GASK1B: variants seen among roughly 807,000 people sequenced by gnomAD.
GASK1B encodes golgi associated kinase 1B.
Under a neutral mutation model 42.8 loss-of-function variants are expected in GASK1B, and 34 were observed. That is an observed-to-expected ratio of 0.79 (90% CI 0.60 to 1.06). GASK1B has a LOEUF of 1.06. GASK1B is among the 50% of genes least tolerant of loss of function. GASK1B has a pLI of 0.00. For synonymous variants in GASK1B, 262 were observed against 259.1 expected (o/e 1.01, Z -0.11); for missense variants, 686 against 661.0 (o/e 1.04, Z -0.42).
In GASK1B at chr4:158,171,142, C is replaced by G; in HGVS notation, c.234G>C (p.Glu78Asp). 1 of 1,607,990 alleles carries G rather than the reference C, an allele frequency of 6.2e-7. No homozygotes were observed. The change falls in exon 2 of 5, where the codon GAG becomes GAC. Residue 78 changes from glutamate to aspartate, a missense_variant. By Grantham distance (45) the Glu-to-Asp change is conservative. Transcript: ENST00000585682. Reference sequence around the variant, plus strand: ...CCAGGGGTATCTCAGGGAAGGATGGCTCGGCGGTGTCGCGGCTGCGATGTG... The same window carrying G: ...CCAGGGGTATCTCAGGGAAGGATGGGTCGGCGGTGTCGCGGCTGCGATGTG... ...KGPHRSRDTA[E>D]PSFPEIPLDG...
Position 158,124,966 on chromosome 4 carries a change from AATT to A in GASK1B, c.*2438_*2440del, listed in dbSNP as rs1205840202. On this transcript the variant is annotated 3_prime_UTR_variant, in exon 5 of 5. Transcript: ENST00000585682. ...AAGCTTTTGCATGTCTGCTAAGGTA[AATT>A]ATTATATTATAAGTTTGTTATGAAG... 6.6e-6 allele frequency: 1 copy of A among 152,156 alleles called. No homozygotes were observed. Among genetic ancestry groups the A allele is most frequent in the Non-Finnish European group, 1.5e-5 (1 of 68,036 alleles). The allele number at this position is 152,156 out of a possible 1,614,324, so 9.4% of individuals were successfully genotyped here. A position where few individuals can be genotyped will look rare whatever the true frequency, so the allele number is the denominator to read the frequency against.
At chr4:158,165,850 T>G (rs1732210254) in intron 2 of GASK1B, among the ~76,000 whole-genome samples, 1 of 152,162 alleles carries the variant, frequency 6.6e-6, no homozygotes, top group Admixed American at 6.5e-5. Flanking sequence ...GATTCCCCTA[T>G]TTAAAATAAG....
At chr4:158,152,929 G>A (rs553849525) in intron 3 of GASK1B, among the ~76,000 whole-genome samples, 39 of 152,200 alleles carry the variant, frequency 2.6e-4, no homozygotes, top group African/African-American at 9.1e-4. Flanking sequence ...CATTCCCCCT[G>A]AAAACTGGAA....
In GASK1B at chr4:158,170,699, A is replaced by G; in HGVS notation, c.677T>C (p.Leu226Pro). 6.2e-7 allele frequency: 1 copy of G among 1,614,198 alleles called. No homozygotes were observed. The highest frequency in any genetic ancestry group is 8.5e-7 in the Non-Finnish European group (1 of 1,180,036). Residue 226 changes from leucine to proline, a missense_variant, in exon 2 of 5, where the codon CTC becomes CCC. By Grantham distance (98) the Leu-to-Pro change is moderately conservative. Coordinates refer to ENST00000585682, the MANE Select transcript of GASK1B (RefSeq NM_001128424.2). ...CCCTGCCACTGCGCTGTCCGCCAAG[A>G]GTCGCATTCTTCGGATGTCATCTTT... ...LSKDDIRRMR[L>P]LADSAVAGLR...
At position 158,126,704 on chromosome 4, in the gene GASK1B, A is replaced by T. The variant is rs1449483329; in HGVS notation, c.*703T>A. ...CAAATTGGACCAAAATAGAGAGAGTAAAACTCTTTAACATATAAATTGTCA... is the reference window on the plus strand; with the variant it reads ...CAAATTGGACCAAAATAGAGAGAGTTAAACTCTTTAACATATAAATTGTCA... On this transcript the variant is annotated 3_prime_UTR_variant, in exon 5 of 5. Transcript: ENST00000585682. The T allele has an allele frequency of 6.6e-6, 1 of 152,172 alleles. No homozygotes were observed. Among genetic ancestry groups the T allele is most frequent in the Admixed American group, 6.6e-5 (1 of 15,262 alleles). 9.4% of individuals were successfully genotyped at this position (152,172 alleles called of 1,614,324 possible).
In GASK1B at chr4:158,126,720, T is replaced by C. The variant is rs1482494294; in HGVS notation, c.*687A>G. ...AGAGAGAGTAAAACTCTTTAACATA[T>C]AAATTGTCAGATGTGAATGATTTCC... On this transcript the variant is annotated 3_prime_UTR_variant, in exon 5 of 5. Coordinates refer to ENST00000585682, the MANE Select transcript of GASK1B (RefSeq NM_001128424.2). 1 of 152,112 alleles carries C rather than the reference T, an allele frequency of 6.6e-6. No homozygotes were observed. The highest frequency in any genetic ancestry group is 1.5e-5 in the Non-Finnish European group (1 of 68,000). 9.4% of individuals were successfully genotyped at this position (152,112 alleles called of 1,614,324 possible). A position where few individuals can be genotyped will look rare whatever the true frequency, so the allele number is the denominator to read the frequency against.
At chr4:158,133,916 T>TGTGTGTGCGC (rs1435604508) in intron 3 of GASK1B, among the ~76,000 whole-genome samples, 1 of 149,768 alleles carries the variant, frequency 6.7e-6, no homozygotes, top group African/African-American at 2.4e-5. Flanking sequence ...TGTGTGTGTG[T>TGTGTGTGCGC]GCGCGTGCAC....
intron 3 of GASK1B, among the ~76,000 whole-genome samples, chr4:158,131,944 T>C (rs1215358242): frequency 6.6e-6 from 1 of 152,138 alleles, no homozygotes; most frequent in African/African-American, 2.4e-5. Context: ...CCCAAGCATC[T>C]ATAAGACACT....
chr4:158,160,342 G>A (rs1731926308), intron 2 of GASK1B, among the ~76,000 whole-genome samples: 1 of 152,132 alleles, frequency 6.6e-6, no homozygotes, highest in South Asian at 2.1e-4. Flanking sequence ...GATTTTATAT[G>A]GCCAAACAAG....
chr4:158,162,916 T>G (rs527648517), intron 2 of GASK1B, among the ~76,000 whole-genome samples: 1 of 152,354 alleles, frequency 6.6e-6, no homozygotes, highest in South Asian at 2.1e-4. Flanking sequence ...GGAATGAGGC[T>G]GAGTCCTCTT....
At chr4:158,144,552 TAGTA>T (rs1168724945) in intron 3 of GASK1B, among the ~76,000 whole-genome samples, 1 of 152,204 alleles carries the variant, frequency 6.6e-6, no homozygotes, top group Non-Finnish European at 1.5e-5. Context: ...TCCTTTACCT[TAGTA>T]AGTGATTCCT....
rs571859818 is a variant in GASK1B, at chr4:158,141,902, C to G, written c.1126-10890G>C. 1.9e-3 allele frequency among the ~76,000 whole-genome samples: 274 copies of G among 144,196 alleles called. 2 individuals carry two copies. The East Asian group carries it at 0.019, about 10-fold the overall frequency. 94.6% of individuals were successfully genotyped at this position (144,196 alleles called of 152,430 possible). On this transcript the variant is annotated intron_variant, in intron 3 of 4. Transcript: ENST00000585682. The stretch of plus-strand genomic sequence containing the variant: ...GATTACAAGCGTGAGCCACCGCGCC[C>G]GGCCGATGTTGTGGTTTCTTTTTTT...
intron 2 of GASK1B, among the ~76,000 whole-genome samples, chr4:158,160,169 G>GAGTGA (rs1731918062): frequency 2.0e-5 from 3 of 152,130 alleles, no homozygotes; most frequent in African/African-American, 7.2e-5. Flanking sequence ...AACTTGAGTG[G>GAGTGA]CATCTTTGTT....
intron 3 of GASK1B, among the ~76,000 whole-genome samples, chr4:158,134,988 G>T (rs933097694): frequency 2.0e-5 from 3 of 152,122 alleles, no homozygotes; most frequent in African/African-American, 7.2e-5. Context: ...CCTCAAAACA[G>T]TATGATTAAA....
chr4:158,132,178 A>AT (rs74463837), intron 3 of GASK1B, among the ~76,000 whole-genome samples: 32,039 of 151,958 alleles, frequency 0.21, 3,850 homozygotes, highest in Admixed American at 0.28. Context: ...AAATTCCACG[A>AT]TTTTTTTCCC....
At chr4:158,167,491 C>T (rs1732273112) in intron 2 of GASK1B, among the ~76,000 whole-genome samples, 3 of 152,104 alleles carry the variant, frequency 2.0e-5, no homozygotes, top group Non-Finnish European at 2.9e-5. Flanking sequence ...ATTACACGTC[C>T]TAAGTATTAG....
Position 158,170,886 on chromosome 4 carries a change from G to T in GASK1B, c.490C>A (p.Pro164Thr). The T allele has an allele frequency of 6.2e-7, 1 of 1,614,218 alleles. No individual in the cohort carries two copies. The highest frequency in any genetic ancestry group is 1.1e-5 in the South Asian group (1 of 91,088). ...EAAREADAVA[P>T]GYAQGANLVK... Reference sequence around the variant, plus strand: ...AGGTTTGCTCCCTGAGCGTACCCAGGTGCTACAGCATCAGCTTCCCTTGCC... The same window carrying T: ...AGGTTTGCTCCCTGAGCGTACCCAGTTGCTACAGCATCAGCTTCCCTTGCC... Residue 164 changes from proline (P) to threonine (T), a missense_variant, in exon 2 of 5, where the codon CCT becomes ACT. By Grantham distance (38) the Pro-to-Thr change is conservative (BLOSUM62 -1). Coordinates refer to ENST00000585682, the MANE Select transcript of GASK1B (RefSeq NM_001128424.2).
rs755579740 is a variant in GASK1B at position 158,127,474 on chromosome 4, T to C, written c.1493A>G (p.His498Arg). 1.9e-6 allele frequency: 3 copies of C among 1,613,830 alleles called. No homozygotes were observed. Among genetic ancestry groups the C allele is most frequent in the East Asian group, 4.5e-5 (2 of 44,848 alleles). ...GIEKLIDVIE[H>R]RAKILITYIN... is the part of the protein sequence containing the mutation. Reference sequence around the variant, plus strand: ...ATAGGTGATAAGAATTTTGGCTCTGTGTTCTATTACATCGATAAGCTTTTC... The same window carrying C: ...ATAGGTGATAAGAATTTTGGCTCTGCGTTCTATTACATCGATAAGCTTTTC... The change falls in exon 5 of 5, where the codon CAC (histidine) becomes CGC (arginine). Residue 498 changes from histidine to arginine, a missense_variant. His to Arg is a conservative substitution (Grantham distance 29). Transcript: ENST00000585682.
chr4:158,157,717 G>T (rs1731810616), intron 2 of GASK1B, among the ~76,000 whole-genome samples: 1 of 152,096 alleles, frequency 6.6e-6, no homozygotes, highest in South Asian at 2.1e-4. Context: ...CAACACGCGG[G>T]TCAGAAGGAC....
Sources: allele counts gnomAD v4.1 joint callset (sites outside exome capture counted in the v4.1 genomes callset), GRCh38; gene constraint gnomAD v4.1.1; transcripts MANE v1.5; gene names NCBI Gene and HGNC (gene_info 2026-07-23, HGNC 2026-07-21).